Variants in FAM135B observed in about 807,000 individuals in gnomAD.
FAM135B encodes the protein family with sequence similarity 135 member B, also known as protein FAM135B.
FAM135B carries 43 observed loss-of-function variants against 127.7 expected under a neutral mutation model. The observed-to-expected ratio is 0.34, with a 90% CI of 0.26 to 0.43. FAM135B has a LOEUF of 0.43. Among genes scored for constraint, FAM135B ranks in the 20% least tolerant of loss-of-function variants. The pLI is 1.00. For missense variants in FAM135B, 1,558 were observed against 1,725.6 expected, an observed-to-expected ratio of 0.90 and a Z score of 1.72; for synonymous variants, 670 against 665.1, an observed-to-expected ratio of 1.01 and a Z score of -0.11.
Position 138,241,995 on chromosome 8 carries a change from A to G in FAM135B, c.669+947T>C, listed in dbSNP as rs188456391. Among the ~76,000 whole-genome samples, 1 of 152,168 alleles carries G rather than the reference A, an allele frequency of 6.6e-6. No individual in the cohort carries two copies. Among genetic ancestry groups the G allele is most frequent in the East Asian group, 1.9e-4 (1 of 5,162 alleles). Reference sequence around the variant, plus strand: ...GACATCAGTTTTCTCCTGCCTTTGGACTTAGACTTGCAAGGGGCCTTATAA... The same window carrying G: ...GACATCAGTTTTCTCCTGCCTTTGGGCTTAGACTTGCAAGGGGCCTTATAA... On this transcript the variant is annotated intron_variant, in intron 7 of 19. Coordinates refer to ENST00000395297, the MANE Select transcript of FAM135B (RefSeq NM_015912.4). The surrounding 1 kb of genome is among the most constrained non-coding windows in gnomAD (Gnocchi z 4.8).
chr8:138,367,426 G>A (rs16908957), intron 2 of FAM135B: 14,584 of 456,570 alleles, frequency 0.032, 552 homozygotes, highest in East Asian at 0.17. Context: ...AAAGATGAAA[G>A]CATTATACTT....
In FAM135B at chr8:138,152,783, G is replaced by A. The variant is rs2130781543; in HGVS notation, c.1692C>T (p.Ser564=). 1 of 1,614,200 alleles carries A rather than the reference G, an allele frequency of 6.2e-7. No homozygotes were observed. Residue 564 remains serine (S), a synonymous_variant, in exon 13 of 20, where the codon TCC becomes TCT. Transcript: ENST00000395297. ...IDVKSSNKNP[S]RAEPLVAFNA... ...TGAAGGCCACCAGGGGTTCAGCTCT[G>A]GAGGGGTTCTTATTGCTAGATTTTA...
chr8:138,147,048 C>T (rs900072526), intron 14 of FAM135B, among the ~76,000 whole-genome samples: 53 of 152,146 alleles, frequency 3.5e-4, no homozygotes, highest in African/African-American at 1.2e-3. Flanking sequence ...TTAAGGATGA[C>T]TCAGATATGC....
chr8:138,237,142 G>C (rs1820347343), intron 7 of FAM135B, among the ~76,000 whole-genome samples: 1 of 148,400 alleles, frequency 6.7e-6, no homozygotes, highest in African/African-American at 2.5e-5. Context: ...TGAGTAACTG[G>C]ATCCTTGATT....
intron 1 of FAM135B, among the ~76,000 whole-genome samples, chr8:138,428,783 C>T (rs944205309): frequency 6.6e-5 from 10 of 152,112 alleles, no homozygotes; most frequent in Admixed American, 4.6e-4. Context: ...TTAAACTGCC[C>T]GTTATTTTTA....
Position 138,243,941 on chromosome 8 carries a change from T to G in FAM135B, c.543-873A>C, listed in dbSNP as rs945106708. On this transcript the variant is annotated intron_variant, in intron 6 of 19. Coordinates refer to ENST00000395297, the MANE Select transcript of FAM135B (RefSeq NM_015912.4). This position sits in a 1 kb window ranked among gnomAD's most constrained non-coding sequence, Gnocchi z 7.5. ...CCTCAGTAAAATTTAAAGTCTCTGA[T>G]GGCAAAGAGGGTCTTGACAATAAAT... 1.3e-5 allele frequency among the ~76,000 whole-genome samples: 2 copies of G among 152,150 alleles called. No homozygotes were observed. Among genetic ancestry groups the G allele is most frequent in the African/African-American group, 4.8e-5 (2 of 41,452 alleles).
intron 6 of FAM135B, among the ~76,000 whole-genome samples, chr8:138,248,485 C>T (rs1821452443): frequency 6.6e-6 from 1 of 152,144 alleles, no homozygotes; most frequent in South Asian, 2.1e-4. Context: ...TCCCATTGCA[C>T]CTCCTCATCA....
At chr8:138,264,599 C>T (rs1822776662) in intron 4 of FAM135B, among the ~76,000 whole-genome samples, 1 of 152,092 alleles carries the variant, frequency 6.6e-6, no homozygotes, top group African/African-American at 2.4e-5. Context: ...GAAAACAAGT[C>T]CAAAATGCCA....
At chr8:138,409,940 T>G (rs1025171931) in intron 1 of FAM135B, among the ~76,000 whole-genome samples, 1 of 148,706 alleles carries the variant, frequency 6.7e-6, no homozygotes, top group Admixed American at 6.7e-5. Context: ...AGTCTGAGAG[T>G]TGACCAAGGT....
At chr8:138,257,897 TAAAACAAAAC>T (rs71316331) in intron 4 of FAM135B, among the ~76,000 whole-genome samples, 36,593 of 147,316 alleles carry the variant, frequency 0.25, 5,110 homozygotes, top group Non-Finnish European at 0.31. Flanking sequence ...AAAAAAAAAA[TAAAACAAAAC>T]AAAACAAAAC....
In FAM135B at chr8:138,238,909, T is replaced by C. The variant is rs147937188; in HGVS notation, c.669+4033A>G. 5.7e-3 allele frequency among the ~76,000 whole-genome samples: 866 copies of C among 152,286 alleles called. 5 individuals carry two copies. Among genetic ancestry groups the C allele is most frequent in the Middle Eastern group, 0.017 (5 of 294 alleles). ...AGAATCAAGTCCTGAAAATAACCCA[T>C]TGAGCTAAACTCCATGAGCAAGTTC... On this transcript the variant is annotated intron_variant, in intron 7 of 19. Coordinates refer to ENST00000395297, the MANE Select transcript of FAM135B (RefSeq NM_015912.4).
At position 138,132,680 on chromosome 8, in the gene FAM135B, G is replaced by A. The variant is rs371041013; in HGVS notation, c.4134C>T (p.Ile1378=). The A allele has an allele frequency of 2.9e-4, 473 of 1,614,198 alleles. 3 individuals carry two copies. The African/African-American group carries it at 4.9e-3, about 17-fold the overall frequency. ...HALPNTANTL[I]GRAAHIAVLD... Reference sequence around the variant, plus strand: ...GCACAGCGATGTGAGCGGCTCGGCCGATCAGGGTGTTGGCAGTGTTGGGCA... The same window carrying A: ...GCACAGCGATGTGAGCGGCTCGGCCAATCAGGGTGTTGGCAGTGTTGGGCA... Residue 1378 remains isoleucine (I), a synonymous_variant, in exon 20 of 20, where the codon ATC becomes ATT. Coordinates refer to ENST00000395297, the MANE Select transcript of FAM135B (RefSeq NM_015912.4). This position sits in a 1 kb window ranked among gnomAD's most constrained non-coding sequence, Gnocchi z 4.5.
chr8:138,426,225 T>C (rs1203459501), intron 1 of FAM135B, among the ~76,000 whole-genome samples: 1 of 150,662 alleles, frequency 6.6e-6, no homozygotes, highest in Non-Finnish European at 1.5e-5. Flanking sequence ...GAAGACTACA[T>C]CAAACTTCAT....
rs532964590 is a variant in FAM135B, at chr8:138,322,698, A to G, written c.78-11778T>C. ...AGGTATGATAAACATAACCTGCCCT[A>G]CCTCCATCTTTATGAAGAACTGCCA... On this transcript the variant is annotated intron_variant, in intron 2 of 19. Coordinates refer to ENST00000395297, the MANE Select transcript of FAM135B (RefSeq NM_015912.4). 1.1e-4 allele frequency among the ~76,000 whole-genome samples: 16 copies of G among 152,274 alleles called. No homozygotes were observed. In the South Asian group the frequency reaches 2.1e-3, roughly 20 times the overall value.
At chr8:138,237,898 C>T (rs533509668) in intron 7 of FAM135B, among the ~76,000 whole-genome samples, 5 of 152,302 alleles carry the variant, frequency 3.3e-5, no homozygotes, top group African/African-American at 1.2e-4. Context: ...CACACATATA[C>T]AACTTATTGG....
intron 7 of FAM135B, among the ~76,000 whole-genome samples, chr8:138,238,056 C>T (rs187346034): frequency 6.6e-6 from 1 of 151,470 alleles, no homozygotes; most frequent in East Asian, 1.9e-4. Flanking sequence ...TCTCTCTATA[C>T]CTTGAGAAAC....
chr8:138,190,709 C>G (rs908757156), intron 9 of FAM135B, among the ~76,000 whole-genome samples: 6 of 152,184 alleles, frequency 3.9e-5, no homozygotes, highest in African/African-American at 1.2e-4. Flanking sequence ...TCTATTCTCT[C>G]TGAAGCCTGC....
At chr8:138,425,946 C>T (rs1219717038) in intron 1 of FAM135B, among the ~76,000 whole-genome samples, 4 of 129,192 alleles carry the variant, frequency 3.1e-5, no homozygotes, top group African/African-American at 1.1e-4. Context: ...GTCAGGAGTT[C>T]GAGACCAGCC....
intron 1 of FAM135B, chr8:138,441,120 G>A (rs985520280): frequency 6.6e-6 from 1 of 152,126 alleles, no homozygotes; most frequent in Non-Finnish European, 1.5e-5. Context: ...TGCTCCACGT[G>A]GCTACAATGT....
Sources: gnomAD v4.1 joint callset for allele counts (sites outside exome capture counted in the v4.1 genomes callset) on GRCh38, gnomAD v4.1.1 for gene constraint, Gnocchi (gnomAD v3.1) non-coding constraint, MANE v1.5 for transcripts, NCBI Gene and HGNC (gene_info 2026-07-23, HGNC 2026-07-21) for gene names.